The following FARP1 variants were observed in gnomAD, a reference collection of about 807,000 sequenced individuals.
FARP1 encodes FERM, ARHGEF and pleckstrin domain-containing protein 1.
In FARP1, 52 loss-of-function variants were observed where a neutral mutation model predicts 128.8. The ratio of observed to expected loss-of-function variants is 0.40; its 90% CI spans 0.32 to 0.51. FARP1 has a LOEUF of 0.51. Among genes scored for constraint, FARP1 ranks in the 20% least tolerant of loss-of-function variants. The pLI, the probability that FARP1 is intolerant of heterozygous loss-of-function variation, is 0.45. For synonymous variants in FARP1, 580 were observed against 551.8 expected, an observed-to-expected ratio of 1.05 and a Z score of -0.72; for missense variants, 1,333 against 1,367.9, an observed-to-expected ratio of 0.97 and a Z score of 0.40.
intron 2 of FARP1, among the ~76,000 whole-genome samples, chr13:98,273,756 G>A (rs763887892): frequency 1.3e-5 from 2 of 152,140 alleles, no homozygotes; most frequent in Non-Finnish European, 2.9e-5. Context: ...AGAAATAGAA[G>A]GTCAGAGCCC....
intron 2 of FARP1, among the ~76,000 whole-genome samples, chr13:98,320,012 C>T (rs1384061994): frequency 2.0e-5 from 3 of 152,068 alleles, no homozygotes; most frequent in African/African-American, 7.2e-5. Context: ...CTGAAACACC[C>T]GGGGTGGAAT....
chr13:98,411,389 G>T (rs1175835553), intron 15 of FARP1, among the ~76,000 whole-genome samples: 7 of 152,200 alleles, frequency 4.6e-5, no homozygotes, highest in Non-Finnish European at 7.3e-5. Context: ...GCTGTGGATT[G>T]TGTTAGGCCC....
chr13:98,177,987 A>G (rs1304057648), intron 1 of FARP1: 2 of 152,210 alleles, frequency 1.3e-5, no homozygotes, highest in Non-Finnish European at 2.9e-5. Flanking sequence ...TTTTGTGTCT[A>G]TTCTTTTAAT....
At chr13:98,269,499 A>G (rs1594341859) in intron 2 of FARP1, among the ~76,000 whole-genome samples, 1 of 152,120 alleles carries the variant, frequency 6.6e-6, no homozygotes, top group African/African-American at 2.4e-5. Flanking sequence ...ATCTCAACAG[A>G]CTCATCCACA....
intron 2 of FARP1, among the ~76,000 whole-genome samples, chr13:98,289,366 C>T (rs1185584636): frequency 3.3e-5 from 5 of 152,286 alleles, no homozygotes; most frequent in East Asian, 1.9e-4. Flanking sequence ...GTTTCATTCC[C>T]GCTGAGTGCA....
chr13:98,341,473 A>G (rs1594422667), intron 2 of FARP1, among the ~76,000 whole-genome samples: 2 of 152,114 alleles, frequency 1.3e-5, no homozygotes, highest in South Asian at 2.1e-4. Flanking sequence ...CTCTACTAAA[A>G]ATACAAAAAT....
Position 98,390,816 on chromosome 13 carries a change from C to T in FARP1, c.1024C>T (p.Arg342Trp), listed in dbSNP as rs1292055562. The T allele has an allele frequency of 6.8e-6, 11 of 1,612,256 alleles. No individual in the cohort carries two copies. The highest frequency in any genetic ancestry group is 1.6e-4 in the Middle Eastern group (1 of 6,076). Residue 342 changes from arginine to tryptophan, a missense_variant, in exon 11 of 27, where the codon CGG becomes TGG. Physicochemically the swap from Arg to Trp is moderately radical, Grantham distance 101 (BLOSUM62 -3). Around this residue, in one of 2 missense-constraint regions of FARP1, gnomAD observed 1,009 missense variants for 969.8 expected, o/e 1.04. Transcript: ENST00000319562. ...SRGSSFRFSG[R>W]TQKQVLDYVK... ...CTGTTGTGGTCTCTGTTTCAGTGGTCGGACTCAGAAGCAGGTTCTCGACTA... is the reference window on the plus strand; with the variant it reads ...CTGTTGTGGTCTCTGTTTCAGTGGTTGGACTCAGAAGCAGGTTCTCGACTA...
At chr13:98,362,061 C>T (rs1888896073) in intron 3 of FARP1, among the ~76,000 whole-genome samples, 5 of 152,122 alleles carry the variant, frequency 3.3e-5, no homozygotes, top group Admixed American at 2.0e-4. Context: ...CCCAGGATTT[C>T]GAGACCAGCC....
chr13:98,367,133 AGAT>A (rs111823714), intron 4 of FARP1, among the ~76,000 whole-genome samples: 8,006 of 148,664 alleles, frequency 0.054, 258 homozygotes, highest in Middle Eastern at 0.11. Flanking sequence ...TGCAAATCAC[AGAT>A]GATGATGATG....
intron 2 of FARP1, among the ~76,000 whole-genome samples, chr13:98,282,259 GC>G (rs1346455514): frequency 1.2e-4 from 18 of 152,282 alleles, no homozygotes; most frequent in African/African-American, 4.1e-4. Context: ...CTGTACTTCA[GC>G]CTGGGGGACA....
At chr13:98,171,667 T>G (rs1421587480) in intron 1 of FARP1, among the ~76,000 whole-genome samples, 2 of 152,252 alleles carry the variant, frequency 1.3e-5, no homozygotes, top group African/African-American at 2.4e-5. Context: ...TTTACTGTAA[T>G]AGCAGTAATC....
In FARP1 at chr13:98,448,418, C is replaced by G. The variant is rs561452468; in HGVS notation, c.*101C>G. The G allele has an allele frequency of 6.2e-6, 6 of 971,882 alleles. No homozygotes were observed. Among genetic ancestry groups the G allele is most frequent in the Non-Finnish European group, 9.8e-6 (6 of 610,814 alleles). The allele number at this position is 971,882 out of a possible 1,614,324, so 60.2% of individuals were successfully genotyped here. A position where few individuals can be genotyped will look rare whatever the true frequency, so the allele number is the denominator to read the frequency against. ...GTAAAATTAACACCTGTCTGAAAATCAAAAACATGGCTTCCCAGCAGCTCT... is the reference window on the plus strand; with the variant it reads ...GTAAAATTAACACCTGTCTGAAAATGAAAAACATGGCTTCCCAGCAGCTCT... On this transcript the variant is annotated 3_prime_UTR_variant, in exon 27 of 27. Coordinates refer to ENST00000319562, the MANE Select transcript of FARP1 (RefSeq NM_005766.4).
chr13:98,256,925 A>G (rs535630474), intron 2 of FARP1, among the ~76,000 whole-genome samples: 4 of 135,956 alleles, frequency 2.9e-5, no homozygotes, highest in Non-Finnish European at 4.7e-5. Context: ...AATAATAACA[A>G]TAATTTTCAA....
chr13:98,180,373 C>G (rs1405918106), intron 1 of FARP1, among the ~76,000 whole-genome samples: 1 of 152,118 alleles, frequency 6.6e-6, no homozygotes, highest in African/African-American at 2.4e-5. Context: ...GAGGCATCCA[C>G]CCCCATGATC....
intron 2 of FARP1, among the ~76,000 whole-genome samples, chr13:98,316,563 T>C (rs1886730062): frequency 6.6e-6 from 1 of 152,174 alleles, no homozygotes; most frequent in Non-Finnish European, 1.5e-5. Context: ...GAGCTCAGCC[T>C]CCAGCAGCCA....
At chr13:98,336,414 C>T (rs756407598) in intron 2 of FARP1, among the ~76,000 whole-genome samples, 35 of 152,158 alleles carry the variant, frequency 2.3e-4, no homozygotes, top group Non-Finnish European at 4.3e-4. Context: ...GGACTACAGG[C>T]ACGCGCCACC....
intron 24 of FARP1, among the ~76,000 whole-genome samples, chr13:98,444,091 G>A (rs1892667672): frequency 6.7e-6 from 1 of 149,504 alleles, no homozygotes. Context: ...AGCATCTGGT[G>A]GCTGCGGCAG....
chr13:98,159,443 T>G (rs1566677944), intron 1 of FARP1: 1 of 152,032 alleles, frequency 6.6e-6, no homozygotes. Context: ...TTTTATTGCT[T>G]TGTTCATTGT....
intron 1 of FARP1, among the ~76,000 whole-genome samples, chr13:98,186,022 AAGCATGC>A (rs995163611): frequency 6.6e-6 from 1 of 152,022 alleles, no homozygotes; most frequent in Admixed American, 6.5e-5. Context: ...GATCATTTTC[AAGCATGC>A]AGCACAGTGG....
Sources: allele counts gnomAD v4.1 joint callset (sites outside exome capture counted in the v4.1 genomes callset), GRCh38; gene constraint gnomAD v4.1.1; regional missense constraint gnomAD v4.1.1; transcripts MANE v1.5; gene names NCBI Gene and HGNC (gene_info 2026-07-23, HGNC 2026-07-21).